Variants in GXYLT2 observed in about 807,000 individuals in gnomAD.
The protein encoded by GXYLT2 is glycosyltransferase 8 domain containing 4.
GXYLT2 carries 53 observed loss-of-function variants against 45.8 expected under a neutral mutation model. The observed-to-expected ratio is 1.16, with a 90% confidence interval of 0.93 to 1.46. GXYLT2 has a LOEUF of 1.46. GXYLT2 is among the 40% of genes most tolerant of loss of function. The pLI is 0.00. For synonymous variants in GXYLT2, 219 were observed against 214.2 expected, an observed-to-expected ratio of 1.02 and a Z score of -0.19; for missense variants, 551 against 544.4, an observed-to-expected ratio of 1.01 and a Z score of -0.12.
intron 3 of GXYLT2, among the ~76,000 whole-genome samples, chr3:72,937,200 C>T (rs1360010277): frequency 6.6e-6 from 1 of 152,094 alleles, no homozygotes; most frequent in Non-Finnish European, 1.5e-5. Flanking sequence ...GGATTATTAT[C>T]AGCTTTTTTT....
At chr3:72,910,094 A>G (rs1191127212) in intron 2 of GXYLT2, among the ~76,000 whole-genome samples, 3 of 152,212 alleles carry the variant, frequency 2.0e-5, no homozygotes, top group Admixed American at 6.5e-5. Flanking sequence ...CTGAAACTCT[A>G]TATAGTTAGC....
At chr3:72,972,103 TTC>T (rs1176155620) in intron 6 of GXYLT2, among the ~76,000 whole-genome samples, 2 of 152,234 alleles carry the variant, frequency 1.3e-5, no homozygotes, top group South Asian at 2.1e-4. Flanking sequence ...TCTGAAAATA[TTC>T]TCTCTCTTTC....
In GXYLT2 at chr3:72,888,356, C is replaced by T; in HGVS notation, c.123C>T (p.Ser41=). 1 of 982,744 alleles carries T rather than the reference C, an allele frequency of 1.0e-6. No individual in the cohort carries two copies. The highest frequency in any genetic ancestry group is 1.2e-6 in the Non-Finnish European group (1 of 829,752). The allele number at this position is 982,744 out of a possible 1,614,324, so 60.9% of individuals were successfully genotyped here. Residue 41 remains serine, a synonymous_variant, in exon 1 of 7, where the codon TCC becomes TCT. Transcript: ENST00000389617. ...CAGCGCTGCCCGCGCGCCCCGCGTC[C>T]GCCCCGCAGCGCCACCCCGCGCCTG... ...EPPALPARPA[S]APQRHPAPVP...
chr3:72,912,053 C>G (rs192728087), intron 2 of GXYLT2, among the ~76,000 whole-genome samples: 2 of 144,866 alleles, frequency 1.4e-5, no homozygotes, highest in Non-Finnish European at 3.0e-5. Context: ...CTCTGTCTCC[C>G]AGGCTGAAGT....
In GXYLT2 at chr3:72,956,633, G is replaced by A. The variant is rs149153051; in HGVS notation, c.853-596G>A. On this transcript the variant is annotated intron_variant, in intron 4 of 6. Coordinates refer to ENST00000389617, the MANE Select transcript of GXYLT2 (RefSeq NM_001080393.2). ...TCGCCTCTTAGGTGTGGGGACTCAC[G>A]CCTATAATCCCAGCACTTTGGGAGG... 3.9e-3 allele frequency among the ~76,000 whole-genome samples: 589 copies of A among 152,132 alleles called. 4 individuals are homozygous for A. Among genetic ancestry groups the A allele is most frequent in the African/African-American group, 0.014 (563 of 41,510 alleles).
intron 3 of GXYLT2, among the ~76,000 whole-genome samples, chr3:72,928,334 C>A (rs1488545812): frequency 6.6e-6 from 1 of 152,196 alleles, no homozygotes; most frequent in Admixed American, 6.5e-5. Flanking sequence ...GAGTGAGAAT[C>A]GGTGACATTT....
At chr3:72,937,522 A>G (rs1029487338) in intron 3 of GXYLT2, among the ~76,000 whole-genome samples, 1 of 152,240 alleles carries the variant, frequency 6.6e-6, no homozygotes, top group African/African-American at 2.4e-5. Context: ...TTTGAGGAAT[A>G]TGCTCATTTG....
chr3:72,953,390 A>G lies in GXYLT2; in HGVS notation c.601-1708A>G, dbSNP rs1005589872. Among the ~76,000 whole-genome samples, 5 of 152,192 alleles carry G rather than the reference A, an allele frequency of 3.3e-5. No homozygotes were observed. In the East Asian group the frequency reaches 5.8e-4, roughly 18 times the overall value. On this transcript the variant is annotated intron_variant, in intron 3 of 6. Coordinates refer to ENST00000389617, the MANE Select transcript of GXYLT2 (RefSeq NM_001080393.2). ...CTGCAACCTCTGCCTCCCAGGTTCAAGCAACCCTCCCACCTTAGCTCCCTG... is the reference window on the plus strand; with the variant it reads ...CTGCAACCTCTGCCTCCCAGGTTCAGGCAACCCTCCCACCTTAGCTCCCTG...
chr3:72,973,204 C>A (rs1575821724), intron 6 of GXYLT2, among the ~76,000 whole-genome samples: 1 of 152,198 alleles, frequency 6.6e-6, no homozygotes, highest in East Asian at 1.9e-4. Context: ...AGTGTTCTAC[C>A]AGCTGGGGGA....
At chr3:72,966,458 CTTTTTTTTTTT>C (rs10662974) in intron 5 of GXYLT2, among the ~76,000 whole-genome samples, 8 of 101,640 alleles carry the variant, frequency 7.9e-5, no homozygotes, top group East Asian at 3.4e-4. Flanking sequence ...TTGTGTGTAT[CTTTTTTTTTTT>C]TTTTTTTTTT....
At position 72,888,499 on chromosome 3, in the gene GXYLT2, A is replaced by G. The variant is rs1181932116; in HGVS notation, c.266A>G (p.Lys89Arg). 3 of 1,233,996 alleles carry G rather than the reference A, an allele frequency of 2.4e-6. No individual in the cohort carries two copies. Among genetic ancestry groups the G allele is most frequent in the Admixed American group, 4.1e-5 (1 of 24,192 alleles). 76.4% of individuals were successfully genotyped at this position (1,233,996 alleles called of 1,614,324 possible). A position where few individuals can be genotyped will look rare whatever the true frequency, so the allele number is the denominator to read the frequency against. The stretch of plus-strand genomic sequence containing the variant: ...CGCCGGGGCGCTGCGAGACTGGAGA[A>G]GTTGGCGAGGTGAGTCGTGGCAACC... The part of the protein sequence containing the change: ...AGRRGAARLE[K>R]LARRPGEPRS... The change falls in exon 1 of 7, where the codon AAG (lysine) becomes AGG (arginine). Residue 89 changes from lysine to arginine, a missense_variant. Transcript: ENST00000389617.
At chr3:72,969,835 G>T (rs1444407402) in intron 6 of GXYLT2, among the ~76,000 whole-genome samples, 1 of 150,150 alleles carries the variant, frequency 6.7e-6, no homozygotes, top group African/African-American at 2.5e-5. Context: ...TCATGAACAG[G>T]CTTTGGTAGA....
At chr3:72,946,621 AGCTCTCCGAG>A (rs1420927333) in intron 3 of GXYLT2, among the ~76,000 whole-genome samples, 3 of 152,024 alleles carry the variant, frequency 2.0e-5, no homozygotes, top group African/African-American at 7.2e-5. Context: ...GGGGTGAGAG[AGCTCTCCGAG>A]GCCTTCTTTA....
intron 3 of GXYLT2, among the ~76,000 whole-genome samples, chr3:72,933,759 G>A (rs1710122212): frequency 1.3e-5 from 2 of 152,024 alleles, no homozygotes; most frequent in African/African-American, 4.8e-5. Context: ...GAATTAACCG[G>A]GTGTGGTGGC....
chr3:72,913,351 A>T (rs1159669891), intron 2 of GXYLT2, among the ~76,000 whole-genome samples: 1 of 150,952 alleles, frequency 6.6e-6, no homozygotes. Context: ...TCAGGTTTTT[A>T]TTAAACCAGT....
intron 1 of GXYLT2, among the ~76,000 whole-genome samples, chr3:72,890,019 C>A (rs1232623754): frequency 1.3e-5 from 2 of 150,634 alleles, no homozygotes; most frequent in African/African-American, 4.9e-5. Flanking sequence ...CTCCCAGATT[C>A]AAGTGATTCT....
Position 72,975,000 on chromosome 3 carries a change from T to G in GXYLT2, c.1173T>G (p.Phe391Leu). 1 of 1,588,508 alleles carries G rather than the reference T, an allele frequency of 6.3e-7. No homozygotes were observed. The highest frequency in any genetic ancestry group is 8.6e-7 in the Non-Finnish European group (1 of 1,166,396). Residue 391 changes from phenylalanine to leucine, a missense_variant, in exon 7 of 7, where the codon TTT (phenylalanine) becomes TTG (leucine). Coordinates refer to ENST00000389617, the MANE Select transcript of GXYLT2 (RefSeq NM_001080393.2). The stretch of plus-strand genomic sequence containing the variant: ...AGTTTCCCTTTCAAGACAATCTCTT[T>G]CAATCCATGTATTACCCCCTTCAGC... ...IRDFPFQDNL[F>L]QSMYYPLQLK...
rs553110909 is a variant in GXYLT2, at chr3:72,915,823, A to G, written c.469-6381A>G. Among the ~76,000 whole-genome samples the G allele has an allele frequency of 7.0e-4, 105 of 150,228 alleles. 2 individuals carry two copies. The South Asian group carries it at 0.019, about 27-fold the overall frequency. On this transcript the variant is annotated intron_variant, in intron 2 of 6. Transcript: ENST00000389617. The stretch of plus-strand genomic sequence containing the variant: ...ACTCTATCCTGGGTGACAGAGGGAG[A>G]CCCTGTCTCAAAAAAAAAAAAAGAG...
chr3:72,957,373 G>A (rs761862642), intron 5 of GXYLT2, 21 bp downstream of exon 5: 9 of 1,579,930 alleles, frequency 5.7e-6, no homozygotes, highest in Admixed American at 1.8e-5. Flanking sequence ...TTTGGAGAAT[G>A]CCTTTTGTGT....
Sources: gnomAD v4.1 joint callset for allele counts (sites outside exome capture counted in the v4.1 genomes callset) on GRCh38, gnomAD v4.1.1 for gene constraint, MANE v1.5 for transcripts, NCBI Gene and HGNC (gene_info 2026-07-23, HGNC 2026-07-21) for gene names.